Variants in CDH12 observed in about 807,000 individuals in gnomAD.
The protein encoded by CDH12 is cadherin 12, also known as cadherin-12.
Under a neutral mutation model 74.1 loss-of-function variants are expected in CDH12, and 41 were observed. That is an observed-to-expected ratio of 0.55 (90% CI 0.43 to 0.72). CDH12 has a LOEUF of 0.72. CDH12 is among the 30% of genes least tolerant of loss of function. The pLI, the probability that CDH12 is intolerant of heterozygous loss-of-function variation, is 0.00. For missense variants in CDH12, 945 were observed against 977.2 expected (o/e 0.97, Z 0.44); for synonymous variants, 399 against 355.0 (o/e 1.12, Z -1.39).
At chr5:22,624,465 A>T (rs1021002602) in intron 1 of CDH12, among the ~76,000 whole-genome samples, 1 of 152,232 alleles carries the variant, frequency 6.6e-6, no homozygotes. Flanking sequence ...TTTACAAGAA[A>T]AAAACAAACA....
chr5:22,160,993 G>A (rs1431504553), intron 4 of CDH12, among the ~76,000 whole-genome samples: 15 of 152,090 alleles, frequency 9.9e-5, no homozygotes, highest in African/African-American at 1.4e-4. Flanking sequence ...GGCTCTGCAC[G>A]GAGTCTCTGC....
At chr5:22,723,192 C>G (rs888965907) in intron 1 of CDH12, among the ~76,000 whole-genome samples, 4 of 152,058 alleles carry the variant, frequency 2.6e-5, no homozygotes, top group Non-Finnish European at 5.9e-5. Context: ...TAGAAAATTT[C>G]ACAAATTCAC....
At chr5:22,587,859 T>C (rs1420405264) in intron 1 of CDH12, among the ~76,000 whole-genome samples, 1 of 149,572 alleles carries the variant, frequency 6.7e-6, no homozygotes, top group African/African-American at 2.4e-5. Context: ...TATATATATA[T>C]ATATACATAT....
At chr5:22,527,185 G>T (rs1296912524) in intron 1 of CDH12, among the ~76,000 whole-genome samples, 1 of 152,094 alleles carries the variant, frequency 6.6e-6, no homozygotes, top group Non-Finnish European at 1.5e-5. Flanking sequence ...AAGGGTAAAA[G>T]AAAGACTAGT....
chr5:22,452,330 G>T (rs962194059), intron 2 of CDH12, among the ~76,000 whole-genome samples: 1 of 151,924 alleles, frequency 6.6e-6, no homozygotes, highest in African/African-American at 2.4e-5. Context: ...GTACTACAAA[G>T]CTATAGTAAT....
At chr5:22,635,529 T>A (rs1190407778) in intron 1 of CDH12, among the ~76,000 whole-genome samples, 1 of 152,172 alleles carries the variant, frequency 6.6e-6, no homozygotes, top group Non-Finnish European at 1.5e-5. Context: ...TCAAAGGACA[T>A]CATGAAGTAA....
In CDH12 at chr5:22,128,935, A is replaced by G. The variant is rs143486144; in HGVS notation, c.-186-50073T>C. Among the ~76,000 whole-genome samples, 794 of 152,368 alleles carry G rather than the reference A, an allele frequency of 5.2e-3. 9 individuals carry two copies. Among genetic ancestry groups the G allele is most frequent in the African/African-American group, 0.018 (766 of 41,590 alleles). On this transcript the variant is annotated intron_variant, in intron 4 of 14. Transcript: ENST00000382254. ...AGCTACAGTGGGATGGATTTAAGAT[A>G]TATGATACATAATTTTTCATCTTCA...
intron 1 of CDH12, among the ~76,000 whole-genome samples, chr5:22,733,142 T>C (rs904001769): frequency 2.0e-5 from 3 of 151,856 alleles, no homozygotes; most frequent in Non-Finnish European, 4.4e-5. Context: ...TGGCCTTAAA[T>C]GAACTTTCAA....
chr5:22,350,133 A>C (rs987067015), intron 3 of CDH12, among the ~76,000 whole-genome samples: 1 of 152,226 alleles, frequency 6.6e-6, no homozygotes, highest in Non-Finnish European at 1.5e-5. Context: ...GTAACGACTA[A>C]GAAAAAAGAG....
At chr5:22,709,532 C>A (rs1030631920) in intron 1 of CDH12, among the ~76,000 whole-genome samples, 4 of 152,132 alleles carry the variant, frequency 2.6e-5, no homozygotes, top group Non-Finnish European at 5.9e-5. Flanking sequence ...ATGTGTATTT[C>A]TGCACTAAAT....
chr5:22,548,483 A>AG (rs75953820), intron 1 of CDH12, among the ~76,000 whole-genome samples: 24,674 of 152,074 alleles, frequency 0.16, 2,572 homozygotes, highest in East Asian at 0.37. Flanking sequence ...AGAAAATTAG[A>AG]AAACTATCAT....
rs113077909 is a variant in CDH12 at position 21,770,903 on chromosome 5, C to A, written c.1394-5804G>T. On this transcript the variant is annotated intron_variant, in intron 11 of 14. Transcript: ENST00000382254. ...CCATAAGAAAGAATAAGATCATGAC[C>A]TTTGCGGAAACCTGGGTGGAGCTGG... 2.6e-3 allele frequency among the ~76,000 whole-genome samples: 403 copies of A among 152,198 alleles called. 2 individuals are homozygous for A. Among genetic ancestry groups the A allele is most frequent in the African/African-American group, 9.5e-3 (395 of 41,536 alleles).
chr5:22,695,586 A>C (rs971587089), intron 1 of CDH12, among the ~76,000 whole-genome samples: 1 of 152,206 alleles, frequency 6.6e-6, no homozygotes, highest in Non-Finnish European at 1.5e-5. Context: ...ACATATTTTA[A>C]AATTATTTAT....
At chr5:22,506,301 T>C (rs187204674) in intron 1 of CDH12, among the ~76,000 whole-genome samples, 107 of 152,258 alleles carry the variant, frequency 7.0e-4, no homozygotes, top group African/African-American at 2.5e-3. Context: ...CCCATTTGTT[T>C]GTTTCCTTGT....
At chr5:21,760,335 T>C (rs892419560) in intron 13 of CDH12, among the ~76,000 whole-genome samples, 3 of 152,120 alleles carry the variant, frequency 2.0e-5, no homozygotes, top group Non-Finnish European at 4.4e-5. Context: ...GCTTGACTCA[T>C]TGAGAGACTG....
chr5:21,926,258 C>A (rs1273136053), intron 6 of CDH12, among the ~76,000 whole-genome samples: 1 of 152,174 alleles, frequency 6.6e-6, no homozygotes, highest in East Asian at 1.9e-4. Flanking sequence ...TCAGACTGTC[C>A]TAGTTTGGGC....
intron 6 of CDH12, among the ~76,000 whole-genome samples, chr5:21,877,615 A>T (rs1299494475): frequency 3.3e-5 from 5 of 152,338 alleles, no homozygotes; most frequent in African/African-American, 1.2e-4. Context: ...GTCAATAGTT[A>T]CAATATCGAT....
chr5:22,159,027 G>A (rs1437501270), intron 4 of CDH12, among the ~76,000 whole-genome samples: 2 of 152,072 alleles, frequency 1.3e-5, no homozygotes, highest in African/African-American at 4.8e-5. Context: ...GTTCCCCTAT[G>A]TTTTTGAATA....
chr5:22,609,457 G>A (rs1737285394), intron 1 of CDH12, among the ~76,000 whole-genome samples: 1 of 152,114 alleles, frequency 6.6e-6, no homozygotes. Flanking sequence ...TCTAAGAATA[G>A]CTATTATGTC....
Sources: gnomAD v4.1 joint callset for allele counts (sites outside exome capture counted in the v4.1 genomes callset) on GRCh38, gnomAD v4.1.1 for gene constraint, MANE v1.5 for transcripts, NCBI Gene and HGNC (gene_info 2026-07-23, HGNC 2026-07-21) for gene names.